The following LRP2 variants were observed in gnomAD, a reference collection of about 807,000 sequenced individuals.
The protein encoded by LRP2 is low-density lipoprotein receptor-related protein 2.
In LRP2, 172 loss-of-function variants were observed where a neutral mutation model predicts 531.0. The ratio of observed to expected loss-of-function variants is 0.32; its 90% CI spans 0.29 to 0.37. The LOEUF is 0.37. LRP2 is among the 10% of genes least tolerant of loss of function. LRP2 has a pLI of 1.00. For synonymous variants in LRP2, 1,992 were observed against 2,027.6 expected (o/e 0.98, Z 0.47); for missense variants, 5,167 against 5,868.3 (o/e 0.88, Z 3.90).
rs147346160 is a variant in LRP2 at position 169,184,080 on chromosome 2, G to A, written c.9845+1423C>T. On this transcript the variant is annotated intron_variant, in intron 50 of 78. Transcript: ENST00000649046. ...GATAAAGAACACACCGAGATAGAGA[G>A]GAAATAGCTGAAATCCAAGAGAAAC... 1.1e-3 allele frequency among the ~76,000 whole-genome samples: 165 copies of A among 152,130 alleles called. 1 individual carries two copies. Among genetic ancestry groups the A allele is most frequent in the African/African-American group, 3.5e-3 (145 of 41,480 alleles).
At chr2:169,182,679 G>A in intron 50 of LRP2, 2 of 979,510 alleles carry the variant, frequency 2.0e-6, no homozygotes, top group Non-Finnish European at 2.4e-6. Flanking sequence ...ATGAATTACA[G>A]TTTAAATGGT....
rs183820539 is a variant in LRP2, at chr2:169,268,432, G to A, written c.2320+2472C>T. ...CCATGATCAAGTGGGCTTCATCCCTGTGATGCAATGCTGGTTCAGCATACA... is the reference window on the plus strand; with the variant it reads ...CCATGATCAAGTGGGCTTCATCCCTATGATGCAATGCTGGTTCAGCATACA... On this transcript the variant is annotated intron_variant, in intron 16 of 78. Transcript: ENST00000649046. 2.0e-5 allele frequency among the ~76,000 whole-genome samples: 3 copies of A among 152,312 alleles called. No homozygotes were observed. In the East Asian group the frequency reaches 5.8e-4, roughly 29 times the overall value.
chr2:169,235,402 C>T (rs114658487), intron 29 of LRP2, among the ~76,000 whole-genome samples: 6,299 of 151,826 alleles, frequency 0.041, 349 homozygotes, highest in African/African-American at 0.13. Context: ...ACCACACTGG[C>T]TAATTTTTGT....
intron 68 of LRP2, among the ~76,000 whole-genome samples, chr2:169,150,496 G>A (rs1686079715): frequency 6.6e-6 from 1 of 152,166 alleles, no homozygotes; most frequent in African/African-American, 2.4e-5. Context: ...GGATATAAAT[G>A]TTTAATTTTT....
At chr2:169,265,763 T>C (rs1440352883) in intron 16 of LRP2, among the ~76,000 whole-genome samples, 1 of 151,974 alleles carries the variant, frequency 6.6e-6, no homozygotes. Flanking sequence ...TCATGTAACT[T>C]GTTTCAGCAA....
Position 169,188,057 on chromosome 2 carries a change from T to C in LRP2, c.9241A>G (p.Lys3081Glu). Reference sequence around the variant, plus strand: ...TCGATGCAGCGCCCATTGTCACACTTGAACTCGTGAGGTGGACACGTGGGT... The same window carrying C: ...TCGATGCAGCGCCCATTGTCACACTCGAACTCGTGAGGTGGACACGTGGGT... ...PEPTCPPHEF[K>E]CDNGRCIEMM... The change falls in exon 49 of 79, where the codon AAG (lysine) becomes GAG (glutamate). Residue 3081 changes from lysine (K) to glutamate (E), a missense_variant. Physicochemically the swap from Lys to Glu is moderately conservative, Grantham distance 56. Coordinates refer to ENST00000649046, the MANE Select transcript of LRP2 (RefSeq NM_004525.3). 1 of 1,614,142 alleles carries C rather than the reference T, an allele frequency of 6.2e-7. No individual in the cohort carries two copies. The highest frequency in any genetic ancestry group is 1.1e-5 in the South Asian group (1 of 91,074).
chr2:169,351,364 ATAGT>A (rs1472000693), intron 1 of LRP2, among the ~76,000 whole-genome samples: 2 of 152,228 alleles, frequency 1.3e-5, no homozygotes, highest in Admixed American at 6.5e-5. Context: ...AAATAGAGTG[ATAGT>A]TAGAAGGTAA....
rs1405767979 is a variant in LRP2, at chr2:169,326,610, G to C, written c.80-5726C>G. Among the ~76,000 whole-genome samples, 6 of 152,206 alleles carry C rather than the reference G, an allele frequency of 3.9e-5. No individual in the cohort carries two copies. In the East Asian group the frequency reaches 1.2e-3, roughly 30 times the overall value. On this transcript the variant is annotated intron_variant, in intron 1 of 78. Coordinates refer to ENST00000649046, the MANE Select transcript of LRP2 (RefSeq NM_004525.3). The stretch of plus-strand genomic sequence containing the variant: ...GCCTGCCTTGGCCTCCCAAAGTGCC[G>C]AGATTGCAGCCTCTGCCCGGCCACC...
chr2:169,210,156 T>C (rs1341611737), intron 37 of LRP2, among the ~76,000 whole-genome samples: 2 of 152,096 alleles, frequency 1.3e-5, no homozygotes, highest in Non-Finnish European at 2.9e-5. Flanking sequence ...AATGCTAAAA[T>C]AAGAAAATCA....
rs538946388 is a variant in LRP2 at position 169,272,938 on chromosome 2, C to A, written c.2105G>T (p.Arg702Leu). 1 of 1,613,524 alleles carries A rather than the reference C, an allele frequency of 6.2e-7. No individual in the cohort carries two copies. The highest frequency in any genetic ancestry group is 1.1e-5 in the South Asian group (1 of 91,080). Residue 702 changes from arginine (R) to leucine (L), a missense_variant, in exon 15 of 79, where the codon CGC (arginine) becomes CTC (leucine). Around this residue, in one of 6 missense-constraint regions of LRP2, gnomAD observed 2,811 missense variants for 3,058.0 expected, o/e 0.92. Coordinates refer to ENST00000649046, the MANE Select transcript of LRP2 (RefSeq NM_004525.3). ...AACAGACTTCTTACCAATGCAGTGG[C>A]GCTCATCTGTATCCAGTTGGAAGCC... Reference protein sequence around the residue: ...TFGFQLDTDERHCIAVQNFLI... With the variant: ...TFGFQLDTDELHCIAVQNFLI...
chr2:169,360,785 C>T (rs1686128199), intron 1 of LRP2, among the ~76,000 whole-genome samples: 1 of 152,158 alleles, frequency 6.6e-6, no homozygotes, highest in African/African-American at 2.4e-5. Context: ...TTTTGCAAGA[C>T]CTGTGGGGTT....
intron 28 of LRP2, 52 bp from the exon 29 acceptor site, chr2:169,236,120 A>C: frequency 1.6e-6 from 2 of 1,268,822 alleles, no homozygotes; most frequent in Non-Finnish European, 2.3e-6. Flanking sequence ...AAATATTAAA[A>C]ATAACTGTCA....
intron 3 of LRP2, among the ~76,000 whole-genome samples, chr2:169,316,940 G>T (rs1462011272): frequency 2.0e-5 from 3 of 152,134 alleles, no homozygotes; most frequent in Non-Finnish European, 2.9e-5. Flanking sequence ...GGTCTCCAGA[G>T]TCAAGTGCAA....
chr2:169,221,697 C>T (rs1353095353), intron 33 of LRP2, among the ~76,000 whole-genome samples: 2 of 140,874 alleles, frequency 1.4e-5, no homozygotes, highest in African/African-American at 5.6e-5. Flanking sequence ...CACACATACA[C>T]ACACACACAC....
Position 169,142,715 on chromosome 2 carries a change from C to T in LRP2, c.13067G>A (p.Gly4356Asp). ...GGTGCTCCCCTCTATAAAGCTGGAG[C>T]CTTGGGGACAGGCACAGCTGTATCC... ...PGGYSCACPQ[G>D]SSFIEGSTTE... Residue 4356 changes from glycine (G) to aspartate (D), a missense_variant, in exon 71 of 79, where the codon GGC (glycine) becomes GAC (aspartate). Transcript: ENST00000649046. 1.2e-6 allele frequency: 2 copies of T among 1,614,114 alleles called. No homozygotes were observed. Among genetic ancestry groups the T allele is most frequent in the Non-Finnish European group, 1.7e-6 (2 of 1,179,964 alleles).
rs1321155875 is a variant in LRP2, at chr2:169,170,726, C to A, written c.11264-59G>T. The A allele has an allele frequency of 4.3e-5, 52 of 1,207,164 alleles. No individual in the cohort carries two copies. In the Admixed American group the frequency reaches 8.6e-4, roughly 20 times the overall value. The allele number at this position is 1,207,164 out of a possible 1,614,324, so 74.8% of individuals were successfully genotyped here. ...ACCAGGAATCACATACAGGAGACAT[C>A]TTGTGAGCTGACCATAGTGCCCTGG... On this transcript the variant is annotated intron_variant, in intron 58 of 78. Transcript: ENST00000649046.
At chr2:169,247,923 A>G (rs929088807) in intron 19 of LRP2, among the ~76,000 whole-genome samples, 2 of 152,234 alleles carry the variant, frequency 1.3e-5, no homozygotes, top group Non-Finnish European at 2.9e-5. Flanking sequence ...TGAAGGAGAC[A>G]GTCTGAATCA....
chr2:169,357,765 G>C (rs1316315573), intron 1 of LRP2, among the ~76,000 whole-genome samples: 1 of 152,070 alleles, frequency 6.6e-6, no homozygotes, highest in African/African-American at 2.4e-5. Context: ...ATTTTTAAAT[G>C]ATAATTTAAA....
At chr2:169,171,022 C>A (rs980354418) in intron 58 of LRP2, among the ~76,000 whole-genome samples, 1 of 149,788 alleles carries the variant, frequency 6.7e-6, no homozygotes. Flanking sequence ...CAGGCTCCTG[C>A]GTAGCTGGGA....
Sources: allele counts gnomAD v4.1 joint callset (sites outside exome capture counted in the v4.1 genomes callset), GRCh38; gene constraint gnomAD v4.1.1; regional missense constraint gnomAD v4.1.1; transcripts MANE v1.5; gene names NCBI Gene and HGNC (gene_info 2026-07-23, HGNC 2026-07-21).